Variants in NDE1 observed in about 807,000 individuals in gnomAD.
NDE1 encodes nuclear distribution protein nudE homolog 1.
NDE1 carries 28 observed loss-of-function variants against 43.4 expected under a neutral mutation model. That is an observed-to-expected ratio of 0.65 (90% CI 0.48 to 0.89). The LOEUF is 0.89. Ranked by LOEUF, NDE1 falls within the 40% of genes least tolerant of loss-of-function variation. NDE1 has a pLI of 0.00. For synonymous variants in NDE1, 184 were observed against 172.0 expected (o/e 1.07, Z -0.55); for missense variants, 441 against 434.1 (o/e 1.02, Z -0.14).
intron 6 of NDE1, among the ~76,000 whole-genome samples, chr16:15,692,362 C>T (rs1379068276): frequency 6.6e-6 from 1 of 152,220 alleles, no homozygotes; most frequent in Admixed American, 6.5e-5. Context: ...AGCTTGTCCC[C>T]TGGGCATGAA....
rs958759841 is a variant in NDE1 at position 15,707,568 on chromosome 16, T to G, written c.947+10708T>G. Reference sequence around the variant, plus strand: ...ACTGGCTCTTAACAAGACCTCACCCTGCGCTTTAAGTATTTTGGTAGTGAC... The same window carrying G: ...ACTGGCTCTTAACAAGACCTCACCCGGCGCTTTAAGTATTTTGGTAGTGAC... On this transcript the variant is annotated intron_variant, in intron 8 of 8. Coordinates refer to ENST00000396354, the MANE Select transcript of NDE1 (RefSeq NM_017668.3). Among the ~76,000 whole-genome samples the G allele has an allele frequency of 1.1e-4, 16 of 152,322 alleles. No homozygotes were observed. The East Asian group carries it at 2.3e-3, about 22-fold the overall frequency.
chr16:15,707,954 C>A (rs1231720659), intron 8 of NDE1, among the ~76,000 whole-genome samples: 2 of 100,538 alleles, frequency 2.0e-5, no homozygotes, highest in Non-Finnish European at 4.0e-5. Context: ...AGCGAGACTC[C>A]GTCTCAAAAA....
At chr16:15,715,092 G>C (rs1316462158) in intron 8 of NDE1, 1 of 1,611,992 alleles carries the variant, frequency 6.2e-7, no homozygotes, top group South Asian at 1.1e-5. Context: ...CTGTCGCGGA[G>C]AGTTGGAGGG....
intron 1 of NDE1, among the ~76,000 whole-genome samples, chr16:15,661,952 TA>T (rs1319638822): frequency 6.6e-6 from 1 of 150,820 alleles, no homozygotes; most frequent in Non-Finnish European, 1.5e-5. Context: ...TCTTTTTTTT[TA>T]GACAAGGTCT....
At chr16:15,724,142 G>A in intron 8 of NDE1, 49 bp from the exon 9 acceptor site, 1 of 1,612,248 alleles carries the variant, frequency 6.2e-7, no homozygotes. Flanking sequence ...CAGAGTGGGG[G>A]ACACCCCACG....
At chr16:15,704,586 C>T (rs545300653) in intron 8 of NDE1, among the ~76,000 whole-genome samples, 65 of 152,146 alleles carry the variant, frequency 4.3e-4, no homozygotes, top group South Asian at 6.2e-4. Flanking sequence ...CACCCCCATT[C>T]GCCTTAGAGG....
chr16:15,713,511 T>C (rs1188973421), intron 8 of NDE1: 1 of 152,234 alleles, frequency 6.6e-6, no homozygotes, highest in East Asian at 1.9e-4. Context: ...TTTTGGGTTT[T>C]TTGAGACAGG....
rs547414285 is a variant in NDE1 at position 15,677,602 on chromosome 16, A to C, written c.238-199A>C. On this transcript the variant is annotated intron_variant, in intron 3 of 8. Transcript: ENST00000396354. Reference sequence around the variant, plus strand: ...CTCGGCCTCAAAAGAAAAAAAAAAAAACACGGAGTCTTGCTGTGTTGCCCA... The same window carrying C: ...CTCGGCCTCAAAAGAAAAAAAAAAACACACGGAGTCTTGCTGTGTTGCCCA... Among the ~76,000 whole-genome samples the C allele has an allele frequency of 4.6e-5, 7 of 151,836 alleles. No homozygotes were observed. The South Asian group carries it at 1.5e-3, about 32-fold the overall frequency.
At chr16:15,665,827 G>A (rs2037273945) in intron 2 of NDE1, among the ~76,000 whole-genome samples, 1 of 151,318 alleles carries the variant, frequency 6.6e-6, no homozygotes, top group South Asian at 2.1e-4. Flanking sequence ...CATGATCTCG[G>A]CTCACCACAA....
intron 3 of NDE1, among the ~76,000 whole-genome samples, chr16:15,675,897 C>T (rs531749753): frequency 1.3e-4 from 20 of 152,216 alleles, no homozygotes; most frequent in Admixed American, 7.9e-4. Flanking sequence ...CATTTGCTAC[C>T]AGTTGATTCT....
intron 3 of NDE1, among the ~76,000 whole-genome samples, chr16:15,675,863 G>A (rs980954162): frequency 2.0e-5 from 3 of 152,164 alleles, no homozygotes; most frequent in Non-Finnish European, 4.4e-5. Context: ...TGCTCAGGAG[G>A]CTGGGGTTTG....
At chr16:15,665,131 G>T (rs2037237689) in intron 2 of NDE1, among the ~76,000 whole-genome samples, 1 of 151,552 alleles carries the variant, frequency 6.6e-6, no homozygotes, top group Admixed American at 6.6e-5. Context: ...GGACTCAAGT[G>T]ATGCACCTCT....
intron 5 of NDE1, 83 bp downstream of exon 5, chr16:15,687,594 T>C (rs766467663): frequency 7.5e-7 from 1 of 1,326,450 alleles, no homozygotes; most frequent in Non-Finnish European, 1.1e-6. Context: ...CTCCCAGCAT[T>C]ATCTTTACAG....
intron 4 of NDE1, among the ~76,000 whole-genome samples, chr16:15,680,675 G>A (rs2038131382): frequency 6.6e-6 from 1 of 152,064 alleles, no homozygotes; most frequent in Non-Finnish European, 1.5e-5. Flanking sequence ...AAGTAGCTGG[G>A]ATTACAGGCG....
intron 8 of NDE1, chr16:15,718,746 A>C (rs538086402): frequency 6.1e-6 from 3 of 494,234 alleles, no homozygotes; most frequent in Non-Finnish European, 7.3e-6. Flanking sequence ...CCACACCCCC[A>C]AACAGGCATG....
At chr16:15,648,083 G>C (rs62036923), upstream of NDE1, among the ~76,000 whole-genome samples, 11,469 of 151,448 alleles carry the variant, frequency 0.076, 568 homozygotes, top group East Asian at 0.27. Flanking sequence ...TAGTTTTTAT[G>C]GGTACACTGT....
In NDE1 at chr16:15,720,213, G is replaced by A. The variant is rs1364670858; in HGVS notation, c.948-3978G>A. On this transcript the variant is annotated intron_variant, in intron 8 of 8. Coordinates refer to ENST00000396354, the MANE Select transcript of NDE1 (RefSeq NM_017668.3). ...CCCTTGATGGCAGAGTCGGCCTGAA[G>A]CTCCAGGTCTTTCAGGTCCCCTTCC... The A allele has an allele frequency of 1.9e-6, 3 of 1,614,020 alleles. No homozygotes were observed. Among genetic ancestry groups the A allele is most frequent in the Non-Finnish European group, 2.5e-6 (3 of 1,180,044 alleles).
upstream of NDE1, among the ~76,000 whole-genome samples, chr16:15,647,201 C>T (rs542028519): frequency 9.2e-5 from 14 of 152,298 alleles, no homozygotes; most frequent in South Asian, 6.2e-4. Context: ...CCCTTTGTGC[C>T]TCTAAGCAGT....
At chr16:15,710,153 A>G (rs1219761163) in intron 8 of NDE1, among the ~76,000 whole-genome samples, 4 of 152,124 alleles carry the variant, frequency 2.6e-5, no homozygotes, top group Non-Finnish European at 5.9e-5. Flanking sequence ...TTTTTGTTCC[A>G]CTTTGCCCTT....
Sources: gnomAD v4.1 joint callset for allele counts (sites outside exome capture counted in the v4.1 genomes callset) on GRCh38, gnomAD v4.1.1 for gene constraint, MANE v1.5 for transcripts, NCBI Gene and HGNC (gene_info 2026-07-23, HGNC 2026-07-21) for gene names.